Variants in ZFR observed in about 807,000 individuals in gnomAD.
ZFR encodes zinc finger RNA binding protein.
Under a neutral mutation model 130.7 loss-of-function variants are expected in ZFR, and 19 were observed. The ratio of observed to expected loss-of-function variants is 0.15; its 90% CI spans 0.10 to 0.21. ZFR has a LOEUF of 0.21. Ranked by LOEUF, ZFR falls within the 10% of genes least tolerant of loss-of-function variation. The pLI is 1.00. For synonymous variants in ZFR, 466 were observed against 456.9 expected (o/e 1.02, Z -0.25); for missense variants, 872 against 1,321.5 (o/e 0.66, Z 5.27).
At chr5:32,423,148 C>T (rs934278837) in intron 2 of ZFR, among the ~76,000 whole-genome samples, 5 of 152,036 alleles carry the variant, frequency 3.3e-5, no homozygotes, top group African/African-American at 4.8e-5. Flanking sequence ...GACTTGGCAA[C>T]ATAGTGAGAC....
At chr5:32,436,024 A>G (rs573101651) in intron 2 of ZFR, among the ~76,000 whole-genome samples, 2 of 152,206 alleles carry the variant, frequency 1.3e-5, no homozygotes, top group Non-Finnish European at 2.9e-5. Context: ...TCTAAAGCTG[A>G]CGACCTTGCT....
intron 2 of ZFR, among the ~76,000 whole-genome samples, chr5:32,421,187 G>A (rs1008399951): frequency 2.6e-5 from 4 of 151,992 alleles, no homozygotes; most frequent in Non-Finnish European, 5.9e-5. Context: ...AATTCCACAA[G>A]GTAAAGCCAC....
At chr5:32,389,784 T>A (rs1303613544) in intron 12 of ZFR, among the ~76,000 whole-genome samples, 1 of 152,022 alleles carries the variant, frequency 6.6e-6, no homozygotes, top group African/African-American at 2.4e-5. Flanking sequence ...TTCTATGAGG[T>A]CCTTATACAG....
At chr5:32,365,105 CTG>C (rs1752514125) in intron 17 of ZFR, among the ~76,000 whole-genome samples, 1 of 152,170 alleles carries the variant, frequency 6.6e-6, no homozygotes, top group Non-Finnish European at 1.5e-5. Context: ...ATACGTGGCT[CTG>C]TGTTTGACTT....
intron 10 of ZFR, among the ~76,000 whole-genome samples, chr5:32,396,932 T>C (rs953012425): frequency 2.0e-5 from 3 of 152,172 alleles, no homozygotes; most frequent in African/African-American, 7.2e-5. Context: ...TTTCAAACAT[T>C]TTATGTGAAT....
intron 7 of ZFR, 32 bp from the exon 8 acceptor site, chr5:32,403,429 A>C: frequency 6.3e-7 from 1 of 1,590,220 alleles, no homozygotes; most frequent in East Asian, 2.2e-5. Context: ...ATTTGTCAGG[A>C]AACTCAAATA....
intron 8 of ZFR, among the ~76,000 whole-genome samples, chr5:32,401,624 T>C (rs1753449966): frequency 6.6e-6 from 1 of 152,118 alleles, no homozygotes; most frequent in African/African-American, 2.4e-5. Context: ...GCTGGAAAGG[T>C]AGGCATGGGT....
In ZFR at chr5:32,355,044, A is replaced by AC. The variant is rs1752275767; in HGVS notation, c.*715dup. On this transcript the variant is annotated 3_prime_UTR_variant, in exon 20 of 20. Transcript: ENST00000265069. ...TTATCAATTATGCAGAGGCTTTAAA[A>AC]CTGTTGCAAGACCATATAGTATATA... is the stretch of plus-strand genomic sequence containing the variant. 6.6e-6 allele frequency: 1 copy of AC among 152,206 alleles called. No homozygotes were observed. Among genetic ancestry groups the AC allele is most frequent in the African/African-American group, 2.4e-5 (1 of 41,466 alleles). The allele number at this position is 152,206 out of a possible 1,614,324, so 9.4% of individuals were successfully genotyped here.
At chr5:32,381,495 CA>C (rs1215415934) in intron 15 of ZFR, among the ~76,000 whole-genome samples, 2 of 151,716 alleles carry the variant, frequency 1.3e-5, no homozygotes, top group African/African-American at 4.8e-5. Flanking sequence ...ATTTAGAATA[CA>C]GTTTAATAAT....
At chr5:32,385,950 C>T (rs942363494) in intron 14 of ZFR, among the ~76,000 whole-genome samples, 1 of 152,086 alleles carries the variant, frequency 6.6e-6, no homozygotes, top group Non-Finnish European at 1.5e-5. Flanking sequence ...ATATTTATAA[C>T]ATATATTTGC....
In ZFR at chr5:32,403,090, G is replaced by C; in HGVS notation, c.1516+16C>G. ...CTTTGACAGAGTCAGCAGGGACAGA[G>C]AATATCAGTACTTGCCAACAAAATT... On this transcript the variant is annotated intron_variant, in intron 8 of 19. Transcript: ENST00000265069. 6.2e-7 allele frequency: 1 copy of C among 1,610,066 alleles called. No homozygotes were observed. The highest frequency in any genetic ancestry group is 8.5e-7 in the Non-Finnish European group (1 of 1,177,488).
At chr5:32,380,350 GTTAAC>G (rs1752907235) in intron 15 of ZFR, 178 bp from the exon 16 acceptor site, 1 of 464,478 alleles carries the variant, frequency 2.2e-6, no homozygotes, top group East Asian at 3.2e-5. Flanking sequence ...GGAACAAAAG[GTTAAC>G]TTATTAATTT....
At chr5:32,434,392 C>T (rs548240685) in intron 2 of ZFR, among the ~76,000 whole-genome samples, 1 of 152,296 alleles carries the variant, frequency 6.6e-6, no homozygotes, top group Non-Finnish European at 1.5e-5. Context: ...GAAACATTTT[C>T]CTGTGTCAAC....
At chr5:32,409,082 T>C (rs1001141231) in intron 5 of ZFR, among the ~76,000 whole-genome samples, 1 of 152,228 alleles carries the variant, frequency 6.6e-6, no homozygotes, top group African/African-American at 2.4e-5. Context: ...TAATTCTCTG[T>C]AAGCAGTTCT....
intron 2 of ZFR, among the ~76,000 whole-genome samples, chr5:32,432,898 G>GC (rs1230626721): frequency 2.1e-5 from 3 of 141,128 alleles, no homozygotes; most frequent in African/African-American, 7.9e-5. Flanking sequence ...CTGGCTAATT[G>GC]TTTTTTTTTT....
At chr5:32,390,508 C>T in intron 11 of ZFR, 71 bp from the exon 12 acceptor site, 2 of 1,413,930 alleles carry the variant, frequency 1.4e-6, no homozygotes, top group Non-Finnish European at 1.9e-6. Context: ...TCAATAGTGA[C>T]ATAAAAAGCA....
chr5:32,387,209 A>G (rs991188426), intron 14 of ZFR, among the ~76,000 whole-genome samples: 1 of 152,114 alleles, frequency 6.6e-6, no homozygotes, highest in Non-Finnish European at 1.5e-5. Context: ...CTTGCTACAC[A>G]TGGGATTTTT....
chr5:32,402,349 A>C (rs954592656), intron 8 of ZFR, among the ~76,000 whole-genome samples: 1 of 152,204 alleles, frequency 6.6e-6, no homozygotes, highest in Non-Finnish European at 1.5e-5. Flanking sequence ...CAATAGGATG[A>C]AACTGAAAAC....
At position 32,403,946 on chromosome 5, in the gene ZFR, T is replaced by C; in HGVS notation, c.1184A>G (p.Asp395Gly). Residue 395 changes from aspartate (D) to glycine (G), a missense_variant, in exon 7 of 20, where the codon GAT becomes GGT. Physicochemically the swap from Asp to Gly is moderately conservative, Grantham distance 94. Around this residue, in one of 7 missense-constraint regions of ZFR, gnomAD observed 21 missense variants for 54.4 expected, o/e 0.39. Transcript: ENST00000265069. ...ACCACGAATGTGGGCAGCATACGCA[T>C]CTGCTCCTGTACAAGACACATCGCA... ...ELCDVSCTGA[D>G]AYAAHIRGAK... 6.2e-7 allele frequency: 1 copy of C among 1,608,894 alleles called. No homozygotes were observed. Among genetic ancestry groups the C allele is most frequent in the Non-Finnish European group, 8.5e-7 (1 of 1,177,632 alleles).
Sources: allele counts gnomAD v4.1 joint callset (sites outside exome capture counted in the v4.1 genomes callset), GRCh38; gene constraint gnomAD v4.1.1; regional missense constraint gnomAD v4.1.1; transcripts MANE v1.5; gene names NCBI Gene and HGNC (gene_info 2026-07-23, HGNC 2026-07-21).